Variants in AMD1 observed in about 807,000 individuals in gnomAD.
AMD1 encodes S-adenosylmethionine decarboxylase proenzyme.
A neutral mutation model predicts 40.2 loss-of-function variants in AMD1; 11 were observed. That is an observed-to-expected ratio of 0.27 (90% CI 0.17 to 0.45). The LOEUF (loss-of-function observed/expected upper bound fraction) is 0.45, where lower values mean the gene tolerates loss of function less well. AMD1 is among the 20% of genes least tolerant of loss of function. The pLI is 1.00. For missense variants in AMD1, 257 were observed against 410.2 expected, an observed-to-expected ratio of 0.63 and a Z score of 3.23; for synonymous variants, 121 against 130.8, an observed-to-expected ratio of 0.93 and a Z score of 0.51.
At chr6:110,831,222 G>A in the AMD1 span, among the ~76,000 whole-genome samples, 59 of 152,026 alleles carry the variant, frequency 3.9e-4, no homozygotes, top group African/African-American at 4.8e-4. Flanking sequence ...GGCAGATCAC[G>A]AAGTCAGGAG....
the AMD1 span, chr6:110,859,023 C>A: frequency 8.2e-6 from 10 of 1,212,328 alleles, no homozygotes; most frequent in Non-Finnish European, 9.8e-6. Context: ...TGGCCTGGGC[C>A]GGCAGATACA....
chr6:110,847,048 TGTGTGTGTGTGTGTG>T, the AMD1 span, among the ~76,000 whole-genome samples: 2 of 142,300 alleles, frequency 1.4e-5, no homozygotes, highest in African/African-American at 2.7e-5. Flanking sequence ...GGAGAGTGTG[TGTGTGTGTGTGTGTG>T]GTGTGTGTGT....
chr6:110,847,901 A>G, the AMD1 span, among the ~76,000 whole-genome samples: 1 of 151,182 alleles, frequency 6.6e-6, no homozygotes, highest in Non-Finnish European at 1.5e-5. Context: ...TTTTTAGTAG[A>G]GACAGGGTTT....
intron 4 of AMD1, 135 bp from the exon 5 acceptor site, chr6:110,892,026 A>AAG: frequency 9.4e-7 from 1 of 1,062,388 alleles, no homozygotes; most frequent in South Asian, 1.4e-5. Context: ...ATGAGCTACT[A>AAG]TGCCCAGTCC....
the AMD1 span, chr6:110,815,166 G>GC: frequency 6.4e-7 from 1 of 1,560,540 alleles, no homozygotes; most frequent in Non-Finnish European, 8.7e-7. Context: ...GGCACGGGAC[G>GC]CGGGGGCCGC....
At chr6:110,866,048 C>G in the AMD1 span, among the ~76,000 whole-genome samples, 1 of 152,060 alleles carries the variant, frequency 6.6e-6, no homozygotes, top group Non-Finnish European at 1.5e-5. Context: ...CAGGTGTGAC[C>G]CACCATGCCT....
chr6:110,875,132 G>A lies in AMD1; in HGVS notation c.27G>A (p.Gly9=), dbSNP rs751122528. The change falls in exon 1 of 9, where the codon GGG becomes GGA. Residue 9 remains glycine, a synonymous_variant. Transcript: ENST00000368885. ...TGGAAGCTGCACATTTTTTCGAAGG[G>A]ACCGAGAAGCTGCTGGAGGTTTGGT... MEAAHFFE[G]TEKLLEVWFS... is the part of the protein sequence containing the mutation. The A allele has an allele frequency of 1.1e-5, 18 of 1,613,454 alleles. No individual in the cohort carries two copies. The highest frequency in any genetic ancestry group is 1.6e-4 in the Middle Eastern group (1 of 6,084).
At chr6:110,865,618 C>T in the AMD1 span, among the ~76,000 whole-genome samples, 2 of 152,112 alleles carry the variant, frequency 1.3e-5, no homozygotes, top group African/African-American at 4.8e-5. Flanking sequence ...TGGTCTTGAA[C>T]TCCTGACCTC....
chr6:110,893,465 T>G lies in AMD1; in HGVS notation c.865-11T>G. ...TGCAAACACTAACGGTTATTTAATT[T>G]TTTCCCCCAGAGTTCTAAATGTCGC... On this transcript the variant is annotated splice_polypyrimidine_tract_variant and intron_variant, in intron 8 of 8. Coordinates refer to ENST00000368885, the MANE Select transcript of AMD1 (RefSeq NM_001634.6). The G allele has an allele frequency of 6.2e-7, 1 of 1,613,002 alleles. No homozygotes were observed. The highest frequency in any genetic ancestry group is 8.5e-7 in the Non-Finnish European group (1 of 1,179,614).
the AMD1 span, among the ~76,000 whole-genome samples, chr6:110,863,492 C>T: frequency 1.8e-4 from 28 of 151,674 alleles, no homozygotes; most frequent in African/African-American, 6.8e-4. Context: ...GTCTCAGCCT[C>T]CTGAGTATCT....
the AMD1 span, among the ~76,000 whole-genome samples, chr6:110,832,570 C>T: frequency 6.6e-6 from 1 of 152,212 alleles, no homozygotes; most frequent in Non-Finnish European, 1.5e-5. Context: ...TGCATCTCTC[C>T]AACCTTGTAG....
In AMD1 at chr6:110,875,129, A is replaced by G. The variant is rs1479089078; in HGVS notation, c.24A>G (p.Glu8=). 1.2e-6 allele frequency: 2 copies of G among 1,613,466 alleles called. No individual in the cohort carries two copies. The highest frequency in any genetic ancestry group is 1.7e-5 in the Admixed American group (1 of 59,932). MEAAHFF[E]GTEKLLEVWF... ...TGATGGAAGCTGCACATTTTTTCGA[A>G]GGGACCGAGAAGCTGCTGGAGGTTT... The change falls in exon 1 of 9, where the codon GAA becomes GAG. Residue 8 remains glutamate (E), a synonymous_variant. Transcript: ENST00000368885.
rs762332367 is a variant in AMD1, at chr6:110,892,731, C to T, written c.616-4C>T. 1 of 1,611,784 alleles carries T rather than the reference C, an allele frequency of 6.2e-7. No individual in the cohort carries two copies. Among genetic ancestry groups the T allele is most frequent in the East Asian group, 2.2e-5 (1 of 44,840 alleles). On this transcript the variant is annotated splice_region_variant and splice_polypyrimidine_tract_variant and intron_variant, in intron 6 of 8. Transcript: ENST00000368885. Reference sequence around the variant, plus strand: ...TGTTAAACTCGGTCTTTTTCCCCCCCCAGGAGAGTGGAATTCGTGACCTGA... The same window carrying T: ...TGTTAAACTCGGTCTTTTTCCCCCCTCAGGAGAGTGGAATTCGTGACCTGA...
the AMD1 span, among the ~76,000 whole-genome samples, chr6:110,821,337 G>A: frequency 2.6e-5 from 4 of 152,062 alleles, no homozygotes; most frequent in African/African-American, 4.8e-5. Context: ...AGTGGCTCAC[G>A]CCTGTAATCC....
chr6:110,857,692 G>T, the AMD1 span, among the ~76,000 whole-genome samples: 1 of 140,668 alleles, frequency 7.1e-6, no homozygotes, highest in Non-Finnish European at 1.5e-5. Flanking sequence ...TATATATACA[G>T]ATGGCATATA....
chr6:110,828,897 C>A, the AMD1 span, among the ~76,000 whole-genome samples: 2 of 152,146 alleles, frequency 1.3e-5, no homozygotes, highest in Non-Finnish European at 2.9e-5. Context: ...GCTGGCTGGG[C>A]GCGGTGGTTC....
the AMD1 span, among the ~76,000 whole-genome samples, chr6:110,842,142 A>C: frequency 6.6e-6 from 1 of 152,148 alleles, no homozygotes; most frequent in Non-Finnish European, 1.5e-5. Flanking sequence ...CATAGCCCAG[A>C]CTCAAACTAC....
intron 1 of AMD1, among the ~76,000 whole-genome samples, chr6:110,881,381 T>C (rs970066046): frequency 8.5e-5 from 13 of 152,226 alleles, no homozygotes; most frequent in Non-Finnish European, 1.8e-4. Flanking sequence ...ACATGTCTTC[T>C]GGGTGGCAAA....
At chr6:110,846,622 A>G in the AMD1 span, among the ~76,000 whole-genome samples, 1 of 152,220 alleles carries the variant, frequency 6.6e-6, no homozygotes, top group Non-Finnish European at 1.5e-5. Flanking sequence ...CTGTAATCCC[A>G]GCACTTTGGG....
Sources: gnomAD v4.1 joint callset for allele counts (sites outside exome capture counted in the v4.1 genomes callset) on GRCh38, gnomAD v4.1.1 for gene constraint, MANE v1.5 for transcripts, NCBI Gene and HGNC (gene_info 2026-07-23, HGNC 2026-07-21) for gene names.